PDE4B: variants seen among roughly 807,000 people sequenced by gnomAD.
PDE4B encodes the protein 3',5'-cyclic-AMP phosphodiesterase 4B.
Under a neutral mutation model 82.2 loss-of-function variants are expected in PDE4B, and 20 were observed. That is an observed-to-expected ratio of 0.24 (90% CI 0.17 to 0.35). The LOEUF (loss-of-function observed/expected upper bound fraction) is 0.35, where lower values mean the gene tolerates loss of function less well. Ranked by LOEUF, PDE4B falls within the 10% of genes least tolerant of loss-of-function variation. The probability of loss-of-function intolerance (pLI) is 1.00; values close to 1 mark genes in which losing one functional copy is unlikely to be tolerated. For missense variants in PDE4B, 655 were observed against 907.2 expected (o/e 0.72, Z 3.57); for synonymous variants, 320 against 318.9 (o/e 1.00, Z -0.04).
At chr1:66,333,775 G>A (rs1660301284) in intron 8 of PDE4B, among the ~76,000 whole-genome samples, 1 of 152,174 alleles carries the variant, frequency 6.6e-6, no homozygotes, top group Non-Finnish European at 1.5e-5. Context: ...TCCTGAAGGA[G>A]GGGAGGGGGG....
At chr1:66,363,090 C>A in intron 10 of PDE4B, 78 bp from the exon 11 acceptor site, 2 of 993,022 alleles carry the variant, frequency 2.0e-6, no homozygotes, top group Non-Finnish European at 3.1e-6. Context: ...AGCCAATGTC[C>A]AAAAAATAAA....
intron 1 of PDE4B, among the ~76,000 whole-genome samples, chr1:65,839,907 A>G (rs1646187313): frequency 1.3e-5 from 2 of 152,102 alleles, no homozygotes; most frequent in South Asian, 2.1e-4. Flanking sequence ...AAGTGTTCCT[A>G]TTTCTCCACA....
chr1:66,112,948 G>C (rs940035660), intron 3 of PDE4B: 4 of 152,162 alleles, frequency 2.6e-5, no homozygotes, highest in African/African-American at 9.7e-5. Context: ...CCCAAGCGAT[G>C]GGATTATATT....
intron 3 of PDE4B, among the ~76,000 whole-genome samples, chr1:65,994,595 G>T (rs1651430652): frequency 6.6e-6 from 1 of 152,000 alleles, no homozygotes; most frequent in African/African-American, 2.4e-5. Context: ...TAACATGTAT[G>T]TATTTTCTTA....
At chr1:65,822,945 A>T (rs921054860) in intron 1 of PDE4B, among the ~76,000 whole-genome samples, 1 of 152,158 alleles carries the variant, frequency 6.6e-6, no homozygotes, top group Non-Finnish European at 1.5e-5. Flanking sequence ...TTCCAATTTT[A>T]TACTAGACGT....
At chr1:65,995,718 A>G (rs2503185) in intron 3 of PDE4B, among the ~76,000 whole-genome samples, 87,624 of 152,028 alleles carry the variant, frequency 0.58, 26,697 homozygotes, top group East Asian at 0.78. Context: ...CACGATCAAC[A>G]ATTGGTATTT....
Position 66,256,406 on chromosome 1 carries a change from T to C in PDE4B, c.477-1241T>C, listed in dbSNP as rs150347756. 9.3e-4 allele frequency among the ~76,000 whole-genome samples: 142 copies of C among 152,286 alleles called. No individual in the cohort carries two copies. The East Asian group carries it at 0.025, about 27-fold the overall frequency. Reference sequence around the variant, plus strand: ...TACAATAATTAAATGAGATAATACATGTAAACTGCTTACCACAAGACCTGG... The same window carrying C: ...TACAATAATTAAATGAGATAATACACGTAAACTGCTTACCACAAGACCTGG... On this transcript the variant is annotated intron_variant, in intron 4 of 16. Transcript: ENST00000341517.
chr1:65,997,424 T>C (rs75172848), intron 3 of PDE4B, among the ~76,000 whole-genome samples: 1,528 of 152,268 alleles, frequency 0.01, 20 homozygotes, highest in African/African-American at 0.035. Flanking sequence ...CCATAGTTAG[T>C]ACTCTAAAGG....
chr1:66,159,557 A>T (rs970122090), intron 3 of PDE4B, among the ~76,000 whole-genome samples: 1 of 152,140 alleles, frequency 6.6e-6, no homozygotes, highest in Non-Finnish European at 1.5e-5. Flanking sequence ...AAACTTTTTT[A>T]AAAAGGAGAG....
chr1:66,060,991 G>C (rs1474150957), intron 3 of PDE4B, among the ~76,000 whole-genome samples: 1 of 151,792 alleles, frequency 6.6e-6, no homozygotes, highest in Non-Finnish European at 1.5e-5. Context: ...AAAAAGAAGT[G>C]AATAAAATTG....
intron 3 of PDE4B, among the ~76,000 whole-genome samples, chr1:66,008,395 G>A (rs1230135400): frequency 6.6e-6 from 1 of 152,004 alleles, no homozygotes; most frequent in African/African-American, 2.4e-5. Context: ...TGTTTCTATA[G>A]ATGAATTATC....
intron 7 of PDE4B, chr1:66,332,057 G>A (rs1241980485): frequency 3.0e-5 from 32 of 1,081,464 alleles, no homozygotes; most frequent in Non-Finnish European, 3.6e-5. Context: ...AGCAAAATGA[G>A]AAAAAGCTTT....
intron 3 of PDE4B, among the ~76,000 whole-genome samples, chr1:65,991,940 A>C (rs1651266764): frequency 6.6e-6 from 1 of 152,206 alleles, no homozygotes; most frequent in African/African-American, 2.4e-5. Context: ...CTTTGCTGTC[A>C]AAGTGGCTGT....
chr1:66,053,464 G>A (rs1046633977), intron 3 of PDE4B, among the ~76,000 whole-genome samples: 1 of 152,156 alleles, frequency 6.6e-6, no homozygotes, highest in African/African-American at 2.4e-5. Flanking sequence ...GAACAACCCA[G>A]CTGAAGTTGG....
In PDE4B at chr1:65,848,287, T is replaced by C. The variant is rs148957756; in HGVS notation, c.-71+55039T>C. ...CTGAGTAGCTGAGACTACAGGCATG[T>C]GCCACCACGCATGGCTAATTTTTGT... On this transcript the variant is annotated intron_variant, in intron 1 of 16. Coordinates refer to ENST00000341517, the MANE Select transcript of PDE4B (RefSeq NM_002600.4). Among the ~76,000 whole-genome samples the C allele has an allele frequency of 9.5e-3, 1,444 of 152,128 alleles. 21 individuals are homozygous for C. The highest frequency in any genetic ancestry group is 0.033 in the African/African-American group (1,377 of 41,512).
chr1:66,311,046 T>C (rs914363006), intron 7 of PDE4B, among the ~76,000 whole-genome samples: 1 of 152,216 alleles, frequency 6.6e-6, no homozygotes, highest in Non-Finnish European at 1.5e-5. Flanking sequence ...TAATTTTGTA[T>C]CCATGGGATC....
chr1:66,204,093 G>A (rs1218551556), intron 3 of PDE4B, among the ~76,000 whole-genome samples: 1 of 152,218 alleles, frequency 6.6e-6, no homozygotes, highest in Non-Finnish European at 1.5e-5. Context: ...CAGGTCTGTT[G>A]GAGTTTGCTA....
At chr1:65,929,375 C>G (rs1450876435) in intron 3 of PDE4B, among the ~76,000 whole-genome samples, 1 of 152,202 alleles carries the variant, frequency 6.6e-6, no homozygotes, top group African/African-American at 2.4e-5. Flanking sequence ...GTATCCCCAG[C>G]TTCATCAGTG....
intron 3 of PDE4B, among the ~76,000 whole-genome samples, chr1:66,068,373 A>T (rs914101130): frequency 1.3e-5 from 2 of 152,006 alleles, no homozygotes; most frequent in African/African-American, 4.8e-5. Flanking sequence ...TAACCAATAG[A>T]TAGAAATATA....
Sources: gnomAD v4.1 joint callset for allele counts (sites outside exome capture counted in the v4.1 genomes callset) on GRCh38, gnomAD v4.1.1 for gene constraint, MANE v1.5 for transcripts, NCBI Gene and HGNC (gene_info 2026-07-23, HGNC 2026-07-21) for gene names.